PDE3B: variants seen among roughly 807,000 people sequenced by gnomAD.
PDE3B encodes cGMP-inhibited 3',5'-cyclic phosphodiesterase 3B.
PDE3B carries 66 observed loss-of-function variants against 116.8 expected under a neutral mutation model. The observed-to-expected ratio is 0.56, with a 90% confidence interval of 0.46 to 0.69. The LOEUF (loss-of-function observed/expected upper bound fraction) is 0.69. PDE3B is among the 30% of genes least tolerant of loss of function. PDE3B has a pLI of 0.00. For missense variants in PDE3B, 1,384 were observed against 1,368.1 expected, an observed-to-expected ratio of 1.01 and a Z score of -0.18; for synonymous variants, 595 against 533.6, an observed-to-expected ratio of 1.12 and a Z score of -1.59.
At chr11:14,892,348 C>A in the PDE3B span, 3 of 756,096 alleles carry the variant, frequency 4.0e-6, no homozygotes, top group South Asian at 3.4e-5. Context: ...GCGCTCAGGC[C>A]CCTTCGGGAC....
At chr11:14,816,133 T>G (rs1254368004) in intron 5 of PDE3B, among the ~76,000 whole-genome samples, 2 of 152,226 alleles carry the variant, frequency 1.3e-5, no homozygotes, top group Non-Finnish European at 2.9e-5. Context: ...TTTTCCTCTT[T>G]ATGAGACCTC....
At chr11:14,723,633 C>A (rs564164893) in intron 1 of PDE3B, among the ~76,000 whole-genome samples, 24 of 152,030 alleles carry the variant, frequency 1.6e-4, no homozygotes, top group African/African-American at 5.8e-4. Context: ...TGATGATGCA[C>A]ACCTCTAGTC....
At chr11:14,667,127 C>G (rs1414963860) in intron 1 of PDE3B, among the ~76,000 whole-genome samples, 1 of 152,056 alleles carries the variant, frequency 6.6e-6, no homozygotes, top group Non-Finnish European at 1.5e-5. Flanking sequence ...AGTTCATGTC[C>G]TTTGTAGGGA....
intron 5 of PDE3B, among the ~76,000 whole-genome samples, chr11:14,810,595 C>G (rs1469777768): frequency 6.6e-6 from 1 of 151,552 alleles, no homozygotes; most frequent in Non-Finnish European, 1.5e-5. Flanking sequence ...GGTTCCAAGT[C>G]TTTGCTATTG....
In PDE3B at chr11:14,852,117, C is replaced by T. The variant is rs953920651; in HGVS notation, c.2521-6926C>T. Among the ~76,000 whole-genome samples, 9 of 152,186 alleles carry T rather than the reference C, an allele frequency of 5.9e-5. No individual in the cohort carries two copies. In the South Asian group the frequency reaches 6.2e-4, roughly 11 times the overall value. Reference sequence around the variant, plus strand: ...TGTTGCCCAGGCTGGAGTGCAGTGACGTGATCTTGGCCCACTGCAACCTCC... The same window carrying T: ...TGTTGCCCAGGCTGGAGTGCAGTGATGTGATCTTGGCCCACTGCAACCTCC... On this transcript the variant is annotated intron_variant, in intron 12 of 15. Coordinates refer to ENST00000282096, the MANE Select transcript of PDE3B (RefSeq NM_000922.4).
intron 2 of PDE3B, among the ~76,000 whole-genome samples, chr11:14,783,322 C>T (rs535483845): frequency 2.0e-4 from 31 of 152,152 alleles, no homozygotes; most frequent in African/African-American, 3.6e-4. Flanking sequence ...ATGTTTATTG[C>T]GGCACTATTC....
chr11:14,837,416 G>T (rs189224605), intron 11 of PDE3B, among the ~76,000 whole-genome samples: 6 of 152,108 alleles, frequency 3.9e-5, no homozygotes, highest in Admixed American at 2.0e-4. Flanking sequence ...TCAATGCTTT[G>T]CTTGGAAATT....
At chr11:14,867,027 G>C (rs1848059200) in intron 14 of PDE3B, among the ~76,000 whole-genome samples, 1 of 149,726 alleles carries the variant, frequency 6.7e-6, no homozygotes, top group Non-Finnish European at 1.5e-5. Flanking sequence ...TTTCATATTA[G>C]GTTTTCTGAT....
At chr11:14,818,497 G>A (rs747991219) in intron 6 of PDE3B, 104 bp downstream of exon 6, 18 of 691,184 alleles carry the variant, frequency 2.6e-5, no homozygotes, top group Admixed American at 1.1e-4. Flanking sequence ...TAAGCTAAAT[G>A]ACCATAGTTT....
intron 1 of PDE3B, among the ~76,000 whole-genome samples, chr11:14,721,799 T>G (rs1437749589): frequency 1.9e-4 from 16 of 85,974 alleles, no homozygotes; most frequent in African/African-American, 3.0e-4. Flanking sequence ...GGGGGAGGGG[T>G]AGCATTGGGA....
chr11:14,797,877 CAG>C (rs1460380860), intron 4 of PDE3B, among the ~76,000 whole-genome samples: 3 of 152,152 alleles, frequency 2.0e-5, no homozygotes, highest in African/African-American at 4.8e-5. Context: ...CATCTGCAAA[CAG>C]AGACAATTTG....
chr11:14,842,417 A>G (rs942839983), intron 11 of PDE3B, among the ~76,000 whole-genome samples: 2 of 152,252 alleles, frequency 1.3e-5, no homozygotes, highest in African/African-American at 4.8e-5. Context: ...TTTTTAAAAT[A>G]TATTTTAAAA....
chr11:14,830,277 C>T (rs1025964789), intron 7 of PDE3B, among the ~76,000 whole-genome samples: 3 of 151,984 alleles, frequency 2.0e-5, no homozygotes, highest in African/African-American at 7.2e-5. Context: ...TATAACTCAC[C>T]ATTAATAATA....
chr11:14,725,523 C>T (rs1856277353), intron 1 of PDE3B, among the ~76,000 whole-genome samples: 1 of 70,930 alleles, frequency 1.4e-5, no homozygotes. Flanking sequence ...CTCCTTCTCC[C>T]CTTCCCTTCC....
intron 1 of PDE3B, among the ~76,000 whole-genome samples, chr11:14,651,801 A>G (rs1228610007): frequency 6.6e-6 from 1 of 152,186 alleles, no homozygotes; most frequent in Non-Finnish European, 1.5e-5. Flanking sequence ...TCTGTCCTAT[A>G]TCAAATTTCA....
chr11:14,817,442 A>G (rs1046280724), intron 5 of PDE3B, among the ~76,000 whole-genome samples: 2 of 152,186 alleles, frequency 1.3e-5, no homozygotes, highest in African/African-American at 4.8e-5. Flanking sequence ...TAATTAAAAA[A>G]GAAAAAAAAA....
chr11:14,820,590 T>G (rs1212695729), intron 7 of PDE3B, among the ~76,000 whole-genome samples: 1 of 152,156 alleles, frequency 6.6e-6, no homozygotes, highest in Non-Finnish European at 1.5e-5. Context: ...GGGCTGGATG[T>G]TTGTGTTCCT....
At chr11:14,739,844 G>T (rs2133863885) in intron 1 of PDE3B, among the ~76,000 whole-genome samples, 1 of 152,238 alleles carries the variant, frequency 6.6e-6, no homozygotes, top group Non-Finnish European at 1.5e-5. Context: ...GGCCTTTTGT[G>T]CATCTGTTGA....
chr11:14,737,859 A>T (rs1018155240), intron 1 of PDE3B, among the ~76,000 whole-genome samples: 1 of 143,850 alleles, frequency 7.0e-6, no homozygotes, highest in African/African-American at 2.6e-5. Context: ...ATGAGTGAGA[A>T]CATGCGGTGT....
Sources: gnomAD v4.1 joint callset for allele counts (sites outside exome capture counted in the v4.1 genomes callset) on GRCh38, gnomAD v4.1.1 for gene constraint, MANE v1.5 for transcripts, NCBI Gene and HGNC (gene_info 2026-07-23, HGNC 2026-07-21) for gene names.